The following BLNK variants were observed in gnomAD, a reference collection of about 807,000 sequenced individuals.
The protein encoded by BLNK is B-cell linker protein.
BLNK carries 29 observed loss-of-function variants against 73.5 expected under a neutral mutation model. The observed-to-expected ratio is 0.39, with a 90% CI of 0.29 to 0.54. The LOEUF (loss-of-function observed/expected upper bound fraction) is 0.54, where lower values mean the gene tolerates loss of function less well. Among genes scored for constraint, BLNK ranks in the 20% least tolerant of loss-of-function variants. BLNK has a pLI of 0.61. For synonymous variants in BLNK, 176 were observed against 200.8 expected, an observed-to-expected ratio of 0.88 and a Z score of 1.04; for missense variants, 460 against 562.8, an observed-to-expected ratio of 0.82 and a Z score of 1.85.
At chr10:96,259,375 A>G (rs1843646469) in intron 1 of BLNK, among the ~76,000 whole-genome samples, 1 of 152,186 alleles carries the variant, frequency 6.6e-6, no homozygotes. Context: ...GGCAGGGGAA[A>G]TGGGAAGGAG....
intron 1 of BLNK, among the ~76,000 whole-genome samples, chr10:96,254,882 G>A (rs1843445838): frequency 6.6e-6 from 1 of 152,108 alleles, no homozygotes; most frequent in African/African-American, 2.4e-5. Context: ...TCTCCTTCTT[G>A]GATGAAAAGG....
chr10:96,208,745 C>T (rs2083880960), intron 9 of BLNK, among the ~76,000 whole-genome samples: 1 of 152,174 alleles, frequency 6.6e-6, no homozygotes, highest in Non-Finnish European at 1.5e-5. Context: ...ACTAAGAATT[C>T]CTGAGCACCT....
intron 1 of BLNK, among the ~76,000 whole-genome samples, chr10:96,266,585 G>A (rs138382032): frequency 6.6e-6 from 1 of 152,342 alleles, no homozygotes; most frequent in African/African-American, 2.4e-5. Flanking sequence ...ACCCTTCTCA[G>A]CTGCTCTGGG....
chr10:96,218,026 A>G (rs1327316498), intron 6 of BLNK, among the ~76,000 whole-genome samples: 1 of 152,252 alleles, frequency 6.6e-6, no homozygotes, highest in Non-Finnish European at 1.5e-5. Context: ...GGATACATCT[A>G]GCACCATTTA....
intron 6 of BLNK, among the ~76,000 whole-genome samples, chr10:96,221,777 C>T (rs928227460): frequency 2.6e-5 from 4 of 152,340 alleles, no homozygotes; most frequent in Non-Finnish European, 1.5e-5. Flanking sequence ...CCCTCCCCTG[C>T]TCAGCTTCTC....
chr10:96,209,850 A>G lies in BLNK; in HGVS notation c.734T>C (p.Leu245Ser). The G allele has an allele frequency of 6.2e-7, 1 of 1,614,200 alleles. No homozygotes were observed. Among genetic ancestry groups the G allele is most frequent in the Non-Finnish European group, 8.5e-7 (1 of 1,180,036 alleles). Residue 245 changes from leucine (L) to serine (S), a missense_variant, in exon 9 of 17, where the codon TTG (leucine) becomes TCG (serine). Transcript: ENST00000224337. ...KSPPPAAPSP[L>S]PRAGKKPTTP... Reference sequence around the variant, plus strand: ...AACAGGTACTTACCCGGCCCGTGGCAACGGGGATGGTGCAGCTGGTGGAGG... The same window carrying G: ...AACAGGTACTTACCCGGCCCGTGGCGACGGGGATGGTGCAGCTGGTGGAGG...
chr10:96,237,146 G>A (rs1421060019), intron 3 of BLNK, among the ~76,000 whole-genome samples: 11 of 152,184 alleles, frequency 7.2e-5, no homozygotes, highest in Admixed American at 3.9e-4. Context: ...CCATGTCAGC[G>A]TAAGACCAGT....
chr10:96,194,863 C>T (rs1215871386), intron 16 of BLNK, among the ~76,000 whole-genome samples: 1 of 149,492 alleles, frequency 6.7e-6, no homozygotes, highest in Non-Finnish European at 1.5e-5. Flanking sequence ...CTCCGCCTCC[C>T]GGGTTCACGC....
Position 96,242,741 on chromosome 10 carries a change from C to G in BLNK, c.157G>C (p.Ala53Pro). Residue 53 changes from alanine to proline, a missense_variant, in exon 3 of 17, where the codon GCT becomes CCT. Physicochemically the swap from Ala to Pro is conservative, Grantham distance 27. Transcript: ENST00000224337. ...APPSVPRRDY[A>P]SESPADEEEQ... ...TATCTGAGAAATACCTTACCTGAAG[C>G]GTAGTCCCTTCGAGGAACACTTGGA... 6.2e-7 allele frequency: 1 copy of G among 1,613,838 alleles called. No homozygotes were observed. Among genetic ancestry groups the G allele is most frequent in the Middle Eastern group, 1.6e-4 (1 of 6,062 alleles).
intron 16 of BLNK, among the ~76,000 whole-genome samples, chr10:96,192,387 G>A (rs1192096853): frequency 2.0e-5 from 3 of 152,032 alleles, no homozygotes; most frequent in Admixed American, 6.5e-5. Context: ...TTTATTTACC[G>A]TTAAATGTAA....
At chr10:96,211,376 G>A (rs1356443502) in intron 8 of BLNK, among the ~76,000 whole-genome samples, 1 of 152,154 alleles carries the variant, frequency 6.6e-6, no homozygotes, top group Non-Finnish European at 1.5e-5. Flanking sequence ...AGCAGACATA[G>A]GCCTCTGCCC....
intron 6 of BLNK, 99 bp downstream of exon 6, chr10:96,223,727 G>T (rs1421635762): frequency 5.6e-6 from 8 of 1,420,452 alleles, no homozygotes; most frequent in African/African-American, 1.4e-5. Flanking sequence ...GTCAATAGCA[G>T]GTTGTAAAGA....
chr10:96,190,012 C>A lies in BLNK; in HGVS notation c.*1961G>T. ...AAGGTGCCAGTGTTATTTAATTGGA[C>A]TGCCTTCATAATTCATTGCCTCTGC... On this transcript the variant is annotated 3_prime_UTR_variant, in exon 17 of 17. Coordinates refer to ENST00000224337, the MANE Select transcript of BLNK (RefSeq NM_013314.4). 1 of 809,140 alleles carries A rather than the reference C, an allele frequency of 1.2e-6. No homozygotes were observed. The highest frequency in any genetic ancestry group is 1.3e-5 in the South Asian group (1 of 75,436). The allele number at this position is 809,140 out of a possible 1,614,324, so 50.1% of individuals were successfully genotyped here.
In BLNK at chr10:96,215,351, T is replaced by C. The variant is rs1307642715; in HGVS notation, c.646A>G (p.Thr216Ala). The stretch of plus-strand genomic sequence containing the variant: ...GCTGTTCCTGGAGGAGAGGCGGGCG[T>C]TGAGGAATTTGGCTTGGTTGATCTA... ...VNRSTKPNSS[T>A]PASPPGTASG... is the part of the protein sequence containing the mutation. Residue 216 changes from threonine to alanine, a missense_variant, in exon 8 of 17, where the codon ACG becomes GCG. By Grantham distance (58) the Thr-to-Ala change is moderately conservative. This residue lies in a region of BLNK where 233 missense variants were observed against 232.1 expected (regional missense o/e 1.00). Transcript: ENST00000224337. 1.9e-6 allele frequency: 3 copies of C among 1,614,044 alleles called. No homozygotes were observed. The highest frequency in any genetic ancestry group is 2.7e-5 in the African/African-American group (2 of 75,012).
Position 96,227,474 on chromosome 10 carries a change from A to G in BLNK, c.297T>C (p.Pro99=). The change falls in exon 5 of 17, where the codon CCT becomes CCC. Residue 99 remains proline (P), a synonymous_variant. Coordinates refer to ENST00000224337, the MANE Select transcript of BLNK (RefSeq NM_013314.4). ...CCGGCCTGGTTTCCTGCTCTACTGGAGGCGGCTCGTAGCTGTCATCAGCGT... is the reference window on the plus strand; with the variant it reads ...CCGGCCTGGTTTCCTGCTCTACTGGGGGCGGCTCGTAGCTGTCATCAGCGT... ...EENADDSYEP[P]PVEQETRPVH... The G allele has an allele frequency of 6.2e-7, 1 of 1,614,182 alleles. No homozygotes were observed.
At chr10:96,264,695 T>C (rs1421137663) in intron 1 of BLNK, among the ~76,000 whole-genome samples, 1 of 152,072 alleles carries the variant, frequency 6.6e-6, no homozygotes, top group Non-Finnish European at 1.5e-5. Flanking sequence ...AAAAAATATA[T>C]ACACACTGGC....
intron 3 of BLNK, among the ~76,000 whole-genome samples, chr10:96,241,757 G>T (rs782640299): frequency 6.7e-6 from 1 of 149,150 alleles, no homozygotes; most frequent in Non-Finnish European, 1.5e-5. Flanking sequence ...TTGAGACAGG[G>T]TCTCACTCTG....
At chr10:96,236,111 CCT>C (rs1474831727) in intron 3 of BLNK, among the ~76,000 whole-genome samples, 1 of 152,050 alleles carries the variant, frequency 6.6e-6, no homozygotes, top group African/African-American at 2.4e-5. Context: ...ATGAATCCAG[CCT>C]CTCAGTTCTG....
intron 15 of BLNK, 162 bp downstream of exon 15, chr10:96,199,913 G>A (rs1591297413): frequency 2.8e-6 from 1 of 359,424 alleles, no homozygotes; most frequent in Non-Finnish European, 4.8e-6. Context: ...AATCCCAGCT[G>A]CTTGGGAGGC....
Sources: allele counts gnomAD v4.1 joint callset (sites outside exome capture counted in the v4.1 genomes callset), GRCh38; gene constraint gnomAD v4.1.1; regional missense constraint gnomAD v4.1.1; transcripts MANE v1.5; gene names NCBI Gene and HGNC (gene_info 2026-07-23, HGNC 2026-07-21).